Variants in P2RY8 observed in about 807,000 individuals in gnomAD.
P2RY8 encodes the protein P2Y receptor family member 8, also known as S-geranylgeranyl-glutathione receptor P2RY8.
Under a neutral mutation model 10.0 loss-of-function variants are expected in P2RY8, and 6 were observed. The ratio of observed to expected loss-of-function variants is 0.60; its 90% CI spans 0.33 to 1.19. P2RY8 has a LOEUF of 1.19. Ranked by LOEUF, P2RY8 falls within the 50% of genes most tolerant of loss-of-function variation. P2RY8 has a pLI of 0.04. For synonymous variants in P2RY8, 276 were observed against 252.5 expected (o/e 1.09, Z -0.88); for missense variants, 456 against 542.0 (o/e 0.84, Z 1.58).
At chrX:1,531,064 G>GTCTATCTATCTATCTA (rs1460780008) in intron 1 of P2RY8, among the ~76,000 whole-genome samples, 12 of 87,102 alleles carry the variant, frequency 1.4e-4, no homozygotes, top group South Asian at 3.3e-4. Context: ...CTGTCTGTCT[G>GTCTATCTATCTATCTA]TCTGTCTATC....
intron 1 of P2RY8, among the ~76,000 whole-genome samples, chrX:1,506,312 C>T (rs1436661373): frequency 1.3e-5 from 2 of 152,018 alleles, no homozygotes; most frequent in Non-Finnish European, 2.9e-5. Context: ...CTTCTTAAAA[C>T]ATGCTCCCCT....
At chrX:1,509,581 A>C in intron 1 of P2RY8, among the ~76,000 whole-genome samples, 1 of 120,314 alleles carries the variant, frequency 8.3e-6, no homozygotes, top group Admixed American at 8.2e-5. Flanking sequence ...GTATCCATCC[A>C]TTCATTGTAT....
intron 1 of P2RY8, among the ~76,000 whole-genome samples, chrX:1,516,472 A>G (rs1173460247): frequency 1.3e-5 from 2 of 150,886 alleles, no homozygotes; most frequent in African/African-American, 2.4e-5. Flanking sequence ...TAAGCCGCCC[A>G]GTCTATGGTG....
At chrX:1,488,691 T>C (rs1162882800) in intron 1 of P2RY8, among the ~76,000 whole-genome samples, 1 of 151,930 alleles carries the variant, frequency 6.6e-6, no homozygotes, top group Non-Finnish European at 1.5e-5. Context: ...CTGCTGTCCT[T>C]AGCTTAGAGC....
intron 1 of P2RY8, among the ~76,000 whole-genome samples, chrX:1,507,184 T>G (rs111308808): frequency 0.094 from 14,326 of 151,890 alleles, 845 homozygotes; most frequent in Non-Finnish European, 0.13. Context: ...CTTGCGTACA[T>G]GCAACACCCC....
chrX:1,527,465 C>T (rs1203066422), intron 1 of P2RY8, among the ~76,000 whole-genome samples: 5 of 152,134 alleles, frequency 3.3e-5, no homozygotes, highest in Non-Finnish European at 2.9e-5. Flanking sequence ...ACTCATCCAT[C>T]CATCCGTTCA....
At position 1,530,172 on chromosome X, in the gene P2RY8, C is replaced by G. The variant is rs867079940; in HGVS notation, c.-25+6749G>C. ...ATGTATGTATGATCTATCTATCTAT[C>G]TATCTATCTATCTATCTATCTATCT... On this transcript the variant is annotated intron_variant, in intron 1 of 1. Coordinates refer to ENST00000381297, the MANE Select transcript of P2RY8 (RefSeq NM_178129.5). 9.6e-3 allele frequency among the ~76,000 whole-genome samples: 966 copies of G among 100,720 alleles called. 13 individuals carry two copies. The highest frequency in any genetic ancestry group is 0.032 in the African/African-American group (734 of 23,234). The allele number at this position is 100,720 out of a possible 152,430, so 66.1% of individuals were successfully genotyped here.
chrX:1,490,168 TG>T (rs2092030061), intron 1 of P2RY8, among the ~76,000 whole-genome samples: 1 of 144,692 alleles, frequency 6.9e-6, no homozygotes. Flanking sequence ...CCCACAAATG[TG>T]GGGGGAATGA....
chrX:1,494,887 A>C (rs866091787), intron 1 of P2RY8, among the ~76,000 whole-genome samples: 1 of 125,848 alleles, frequency 7.9e-6, no homozygotes. Flanking sequence ...TTTTTTTTGT[A>C]TTTTTTTTTT....
At chrX:1,481,444 G>A (rs1366926434) in intron 1 of P2RY8, among the ~76,000 whole-genome samples, 1 of 152,186 alleles carries the variant, frequency 6.6e-6, no homozygotes, top group African/African-American at 2.4e-5. Flanking sequence ...GATTACAGGC[G>A]TGAGCCACCG....
At position 1,466,226 on chromosome X, in the gene P2RY8, GATGCTGGA is replaced by G; in HGVS notation, c.325_332del (p.Ser109ProfsTer231). ...CCACGCTGATACAGGTCATGGTGAG[GATGCTGGA>G]ATACATGTTTGCGTAAAAGGCCACG... On this transcript the variant is annotated frameshift_variant, in exon 2 of 2. Transcript: ENST00000381297. LOFTEE classifies it high-confidence loss of function. 1 of 1,613,626 alleles carries G rather than the reference GATGCTGGA, an allele frequency of 6.2e-7. No individual in the cohort carries two copies. The highest frequency in any genetic ancestry group is 2.2e-5 in the East Asian group (1 of 44,878).
chrX:1,535,665 G>A (rs1309578297), intron 1 of P2RY8, among the ~76,000 whole-genome samples: 5 of 148,276 alleles, frequency 3.4e-5, no homozygotes, highest in African/African-American at 1.0e-4. Context: ...TCCACGTTAC[G>A]TAAAGATAAC....
chrX:1,530,418 T>G (rs767405399), intron 1 of P2RY8, among the ~76,000 whole-genome samples: 8 of 151,750 alleles, frequency 5.3e-5, no homozygotes, highest in Admixed American at 1.3e-4. Flanking sequence ...AATGCACCTA[T>G]GTATGTATCT....
At chrX:1,495,412 T>C (rs1223682150) in intron 1 of P2RY8, among the ~76,000 whole-genome samples, 2 of 151,924 alleles carry the variant, frequency 1.3e-5, no homozygotes, top group Admixed American at 6.6e-5. Flanking sequence ...AGGACCGGTG[T>C]CCTCATAAGA....
In P2RY8 at chrX:1,462,968, T is replaced by C. The variant is rs1229619216; in HGVS notation, c.*2511A>G. 5 of 173,142 alleles carry C rather than the reference T, an allele frequency of 2.9e-5. No individual in the cohort carries two copies. The allele number at this position is 173,142 out of a possible 1,614,324, so 10.7% of individuals were successfully genotyped here. On this transcript the variant is annotated 3_prime_UTR_variant, in exon 2 of 2. Coordinates refer to ENST00000381297, the MANE Select transcript of P2RY8 (RefSeq NM_178129.5). ...CATAGCCAAGTGGCTGCAAAAATCA[T>C]CATACTGACAAAAAAAAAAAATCGA...
At chrX:1,514,230 G>A (rs1459615426) in intron 1 of P2RY8, among the ~76,000 whole-genome samples, 1 of 152,146 alleles carries the variant, frequency 6.6e-6, no homozygotes, top group East Asian at 1.9e-4. Flanking sequence ...TAATCTTGAT[G>A]TCTGCTCAGG....
At chrX:1,471,465 AT>A (rs113928271) in intron 1 of P2RY8, among the ~76,000 whole-genome samples, 73,416 of 135,778 alleles carry the variant, frequency 0.54, 19,369 homozygotes, top group Middle Eastern at 0.64. Flanking sequence ...CACCCAGCCC[AT>A]TTTTTTTTTT....
chrX:1,516,024 A>T (rs1269336985), intron 1 of P2RY8, among the ~76,000 whole-genome samples: 1 of 12,642 alleles, frequency 7.9e-5, no homozygotes, highest in African/African-American at 9.6e-5. Flanking sequence ...CTCTACTAAA[A>T]AAAAAAAAAA....
chrX:1,509,751 GTCTATCTATCTA>G (rs1307366915), intron 1 of P2RY8, among the ~76,000 whole-genome samples: 4 of 78,234 alleles, frequency 5.1e-5, no homozygotes, highest in African/African-American at 2.4e-4. Flanking sequence ...GTATCTATCT[GTCTATCTATCTA>G]TCTATCTATC....
Sources: allele counts gnomAD v4.1 joint callset (sites outside exome capture counted in the v4.1 genomes callset), GRCh38; gene constraint gnomAD v4.1.1; transcripts MANE v1.5; gene names NCBI Gene and HGNC (gene_info 2026-07-23, HGNC 2026-07-21).